ADIPOR2: variants seen among roughly 807,000 people sequenced by gnomAD.
The protein encoded by ADIPOR2 is adiponectin receptor 2.
Under a neutral mutation model 40.9 loss-of-function variants are expected in ADIPOR2, and 18 were observed. The observed-to-expected ratio is 0.44, with a 90% CI of 0.30 to 0.65. The LOEUF is 0.65. Ranked by LOEUF, ADIPOR2 falls within the 30% of genes least tolerant of loss-of-function variation. ADIPOR2 has a pLI of 0.09. For synonymous variants in ADIPOR2, 165 were observed against 166.4 expected (o/e 0.99, Z 0.06); for missense variants, 283 against 479.2 (o/e 0.59, Z 3.82).
At chr12:1,758,837 T>G (rs886634958) in intron 2 of ADIPOR2, among the ~76,000 whole-genome samples, 23 of 152,224 alleles carry the variant, frequency 1.5e-4, no homozygotes, top group African/African-American at 5.1e-4. Flanking sequence ...TTGTGTCACT[T>G]TCACAGACAT....
At chr12:1,702,960 C>T (rs1028850989) in intron 1 of ADIPOR2, 2 of 152,180 alleles carry the variant, frequency 1.3e-5, no homozygotes, top group African/African-American at 2.4e-5. Flanking sequence ...GTGGCTCCCA[C>T]GCTGCTATTC....
intron 1 of ADIPOR2, among the ~76,000 whole-genome samples, chr12:1,709,374 TAA>T (rs1454075287): frequency 6.6e-6 from 1 of 152,200 alleles, no homozygotes; most frequent in Non-Finnish European, 1.5e-5. Context: ...GGAATTTTTT[TAA>T]AGTTTCATTT....
chr12:1,766,137 T>G (rs1862375264), intron 2 of ADIPOR2, among the ~76,000 whole-genome samples: 1 of 152,202 alleles, frequency 6.6e-6, no homozygotes, highest in African/African-American at 2.4e-5. Context: ...CTGTGTGGTT[T>G]TATGCACAGA....
chr12:1,701,832 C>T (rs375190861), intron 1 of ADIPOR2, among the ~76,000 whole-genome samples: 4 of 152,222 alleles, frequency 2.6e-5, no homozygotes, highest in East Asian at 1.9e-4. Flanking sequence ...TTAAAAACTG[C>T]ATGTTGTGGC....
intron 1 of ADIPOR2, among the ~76,000 whole-genome samples, chr12:1,715,120 T>G (rs2094684983): frequency 6.6e-6 from 1 of 151,914 alleles, no homozygotes; most frequent in Non-Finnish European, 1.5e-5. Flanking sequence ...GAAGGGGAGC[T>G]GTAGGAAGGC....
At chr12:1,763,718 C>T (rs1010200273) in intron 2 of ADIPOR2, among the ~76,000 whole-genome samples, 2 of 152,186 alleles carry the variant, frequency 1.3e-5, no homozygotes, top group African/African-American at 2.4e-5. Flanking sequence ...TGGCTCATGC[C>T]TGTAATCCTA....
At chr12:1,716,697 C>T (rs377588567) in intron 1 of ADIPOR2, among the ~76,000 whole-genome samples, 1 of 152,152 alleles carries the variant, frequency 6.6e-6, no homozygotes, top group African/African-American at 2.4e-5. Flanking sequence ...AGTACTGCAC[C>T]TGAATTACAT....
intron 1 of ADIPOR2, among the ~76,000 whole-genome samples, chr12:1,726,151 C>G (rs2094707495): frequency 6.6e-6 from 1 of 152,100 alleles, no homozygotes; most frequent in South Asian, 2.1e-4. Context: ...ACATAACTGC[C>G]TTTTGAGGTA....
Position 1,706,668 on chromosome 12 carries a change from A to G in ADIPOR2, c.-87+15477A>G, listed in dbSNP as rs534036653. Among the ~76,000 whole-genome samples, 15 of 152,310 alleles carry G rather than the reference A, an allele frequency of 9.8e-5. 1 individual carries two copies. In the South Asian group the frequency reaches 3.1e-3, roughly 32 times the overall value. On this transcript the variant is annotated intron_variant, in intron 1 of 7. Transcript: ENST00000357103. ...GGGTGCAGTTAGATGACTTTTGATA[A>G]TGTACATACCCACCCAGATAACCAT... is the stretch of plus-strand genomic sequence containing the variant.
At chr12:1,749,736 A>G (rs939496550) in intron 1 of ADIPOR2, among the ~76,000 whole-genome samples, 2 of 152,036 alleles carry the variant, frequency 1.3e-5, no homozygotes, top group South Asian at 2.1e-4. Flanking sequence ...CTTGATAGGA[A>G]TTGTATTAAC....
chr12:1,692,618 G>C (rs1369357593), intron 1 of ADIPOR2, among the ~76,000 whole-genome samples: 1 of 151,738 alleles, frequency 6.6e-6, no homozygotes, highest in African/African-American at 2.4e-5. Flanking sequence ...ATGGGAGTAG[G>C]ATTTCCAGAG....
chr12:1,755,328 A>G (rs1026591809), intron 2 of ADIPOR2, among the ~76,000 whole-genome samples: 1 of 151,994 alleles, frequency 6.6e-6, no homozygotes, highest in South Asian at 2.1e-4. Flanking sequence ...CACCTGCCTC[A>G]ACCTCCCAGA....
chr12:1,762,491 C>G (rs1862290975), intron 2 of ADIPOR2, among the ~76,000 whole-genome samples: 1 of 152,000 alleles, frequency 6.6e-6, no homozygotes, highest in Non-Finnish European at 1.5e-5. Flanking sequence ...TTATCAGCAA[C>G]AAATATAAAG....
At chr12:1,727,947 C>T (rs1369280391) in intron 1 of ADIPOR2, among the ~76,000 whole-genome samples, 1 of 151,842 alleles carries the variant, frequency 6.6e-6, no homozygotes, top group African/African-American at 2.4e-5. Context: ...TCTTTCTTTC[C>T]TCATTGTCAC....
rs148347534 is a variant in ADIPOR2 at position 1,788,302 on chromosome 12, A to T, written c.*2230A>T. On this transcript the variant is annotated 3_prime_UTR_variant, in exon 8 of 8. Coordinates refer to ENST00000357103, the MANE Select transcript of ADIPOR2 (RefSeq NM_024551.3). ...TGTGCCCATTTCTATGTGTGTGTCT[A>T]CGTGCAGCTCACTACCAACAGCCTC... 6.5e-6 allele frequency: 1 copy of T among 152,754 alleles called. No individual in the cohort carries two copies. Among genetic ancestry groups the T allele is most frequent in the African/African-American group, 2.4e-5 (1 of 41,560 alleles). 9.5% of individuals were successfully genotyped at this position (152,754 alleles called of 1,614,324 possible). A position where few individuals can be genotyped will look rare whatever the true frequency, so the allele number is the denominator to read the frequency against.
At chr12:1,707,326 ATAAGT>A (rs959587399) in intron 1 of ADIPOR2, among the ~76,000 whole-genome samples, 1 of 152,198 alleles carries the variant, frequency 6.6e-6, no homozygotes, top group African/African-American at 2.4e-5. Context: ...CAGTTTCTTA[ATAAGT>A]TAAACAGTTT....
intron 1 of ADIPOR2, among the ~76,000 whole-genome samples, chr12:1,733,535 T>C (rs1033298042): frequency 6.6e-6 from 1 of 152,192 alleles, no homozygotes; most frequent in Non-Finnish European, 1.5e-5. Context: ...ATTCCATTTT[T>C]AAAAGGTATC....
chr12:1,754,638 C>T (rs754722185), intron 2 of ADIPOR2, 124 bp downstream of exon 2: 1 of 927,102 alleles, frequency 1.1e-6, no homozygotes, highest in Admixed American at 3.2e-5. Flanking sequence ...AAGAAGGAAA[C>T]TTGCACATTT....
chr12:1,735,744 G>C (rs1400962857), intron 1 of ADIPOR2, among the ~76,000 whole-genome samples: 1 of 152,130 alleles, frequency 6.6e-6, no homozygotes, highest in African/African-American at 2.4e-5. Flanking sequence ...GTCATAAATA[G>C]CTCTTATTAT....
Sources: allele counts gnomAD v4.1 joint callset (sites outside exome capture counted in the v4.1 genomes callset), GRCh38; gene constraint gnomAD v4.1.1; transcripts MANE v1.5; gene names NCBI Gene and HGNC (gene_info 2026-07-23, HGNC 2026-07-21).